The following CDK20 variants were observed in gnomAD, a reference collection of about 807,000 sequenced individuals.
The protein encoded by CDK20 is cyclin-dependent kinase 20.
Under a neutral mutation model 38.6 loss-of-function variants are expected in CDK20, and 40 were observed. The ratio of observed to expected loss-of-function variants is 1.04; its 90% CI spans 0.81 to 1.35. The LOEUF (loss-of-function observed/expected upper bound fraction) is 1.35. Among genes scored for constraint, CDK20 ranks in the 40% most tolerant of loss-of-function variants. The pLI is 0.00. For synonymous variants in CDK20, 209 were observed against 185.7 expected (o/e 1.13, Z -1.02); for missense variants, 512 against 452.6 (o/e 1.13, Z -1.19).
chr9:87,974,452 T>G lies in CDK20; in HGVS notation c.-6A>C. 1.9e-6 allele frequency: 3 copies of G among 1,610,950 alleles called. No homozygotes were observed. Among genetic ancestry groups the G allele is most frequent in the Non-Finnish European group, 2.5e-6 (3 of 1,179,306 alleles). Reference sequence around the variant, plus strand: ...AGGATGCAGTACTGGTCCATCCCGCTGCAGTCGTGGGCCTGTGCCCCTGTG... The same window carrying G: ...AGGATGCAGTACTGGTCCATCCCGCGGCAGTCGTGGGCCTGTGCCCCTGTG... On this transcript the variant is annotated 5_prime_UTR_variant, in exon 1 of 8. Transcript: ENST00000325303.
intron 7 of CDK20, chr9:87,968,810 C>T (rs981064770): frequency 2.1e-5 from 5 of 233,994 alleles, no homozygotes; most frequent in African/African-American, 4.5e-5. Context: ...AGGACAATCC[C>T]TGCATGTGCC....
intron 5 of CDK20, chr9:87,970,237 G>T: frequency 4.5e-6 from 2 of 444,398 alleles, no homozygotes; most frequent in Non-Finnish European, 7.9e-6. Context: ...GAGCTTTCAT[G>T]TCCAAGGACA....
intron 5 of CDK20, 152 bp downstream of exon 5, chr9:87,970,416 C>G (rs1829763773): frequency 7.2e-6 from 5 of 697,646 alleles, no homozygotes; most frequent in Non-Finnish European, 1.2e-5. Context: ...AACCCCAACC[C>G]CAAAGTGCTC....
intron 7 of CDK20, chr9:87,968,720 C>T (rs1361969855): frequency 6.4e-6 from 1 of 156,174 alleles, no homozygotes; most frequent in African/African-American, 2.4e-5. Flanking sequence ...CCTCTTGTGA[C>T]CTTTTGGACC....
rs764954066 is a variant in CDK20 at position 87,969,857 on chromosome 9, T to C, written c.626A>G (p.Asp209Gly). 8 of 1,611,236 alleles carry C rather than the reference T, an allele frequency of 5.0e-6. No homozygotes were observed. The highest frequency in any genetic ancestry group is 1.1e-5 in the South Asian group (1 of 90,768). ...AAGCACATAGCAAAGCTGTTCAATA[T>C]CGTTCTTGCCCGGGAAAAGGGGGGA... Reference protein sequence around the residue: ...NGSPLFPGKNDIEQLCYVLRI... With the variant: ...NGSPLFPGKNGIEQLCYVLRI... The change falls in exon 6 of 8, where the codon GAT becomes GGT. Residue 209 changes from aspartate to glycine, a missense_variant. Coordinates refer to ENST00000325303, the MANE Select transcript of CDK20 (RefSeq NM_001039803.3).
intron 7 of CDK20, chr9:87,968,106 G>C (rs552475458): frequency 6.4e-6 from 1 of 157,268 alleles, no homozygotes; most frequent in East Asian, 1.9e-4. Context: ...CCTGGGGCTG[G>C]AGAGGAGTGA....
At chr9:87,971,902 C>T (rs1324763362) in intron 2 of CDK20, among the ~76,000 whole-genome samples, 1 of 152,172 alleles carries the variant, frequency 6.6e-6, no homozygotes, top group Non-Finnish European at 1.5e-5. Context: ...TCTGTAAGTA[C>T]AGGAACCAAA....
chr9:87,967,685 A>G, intron 7 of CDK20, 26 bp from the exon 8 acceptor site: 2 of 1,455,984 alleles, frequency 1.4e-6, no homozygotes, highest in Non-Finnish European at 1.8e-6. Flanking sequence ...AAGGAACAGC[A>G]GAAGGAAACT....
chr9:87,974,180 A>G, intron 1 of CDK20, 145 bp from the exon 2 acceptor site: 1 of 1,421,828 alleles, frequency 7.0e-7, no homozygotes, highest in Non-Finnish European at 9.5e-7. Flanking sequence ...CTAGCCTGGG[A>G]CCCAGCCGCT....
chr9:87,968,266 T>C (rs1375397512), intron 7 of CDK20: 1 of 152,358 alleles, frequency 6.6e-6, no homozygotes, highest in Non-Finnish European at 1.5e-5. Context: ...TCTACTTGGA[T>C]AAAGTTACTC....
chr9:87,973,841 G>A (rs775904040), intron 2 of CDK20, 81 bp downstream of exon 2: 23 of 1,424,500 alleles, frequency 1.6e-5, no homozygotes, highest in Admixed American at 5.3e-5. Flanking sequence ...TGGTGAAGGC[G>A]TAGCTGGGAA....
chr9:87,967,836 C>A, intron 7 of CDK20, 177 bp from the exon 8 acceptor site: 1 of 563,580 alleles, frequency 1.8e-6, no homozygotes, highest in Non-Finnish European at 3.1e-6. Context: ...GTTAATAAAA[C>A]AGACAAAAGC....
At chr9:87,972,430 TG>T (rs2118296457) in intron 2 of CDK20, among the ~76,000 whole-genome samples, 1 of 152,224 alleles carries the variant, frequency 6.6e-6, no homozygotes, top group African/African-American at 2.4e-5. Flanking sequence ...GGGAAGGATG[TG>T]TCTGCCTTGT....
At position 87,974,381 on chromosome 9, in the gene CDK20, C is replaced by T. The variant is rs1587633271; in HGVS notation, c.66G>A (p.Lys22=). 2 of 1,612,704 alleles carry T rather than the reference C, an allele frequency of 1.2e-6. No homozygotes were observed. The highest frequency in any genetic ancestry group is 2.2e-5 in the East Asian group (1 of 44,844). ...CGCGGTCCAGCCTCACCTCCACGTG[C>T]TTGGCCTTGAAGACGATGCCGTGGG... is the stretch of plus-strand genomic sequence containing the variant. ...EGAHGIVFKA[K]HVETGEIVAL... Residue 22 remains lysine, a synonymous_variant, in exon 1 of 8, where the codon AAG becomes AAA. Coordinates refer to ENST00000325303, the MANE Select transcript of CDK20 (RefSeq NM_001039803.3).
At position 87,966,657 on chromosome 9, in the gene CDK20, C is replaced by T. The variant is rs28364971; in HGVS notation, c.*805G>A. 2.3e-3 allele frequency: 381 copies of T among 166,086 alleles called. No individual in the cohort carries two copies. The highest frequency in any genetic ancestry group is 3.5e-3 in the Non-Finnish European group (261 of 75,278). 10.3% of individuals were successfully genotyped at this position (166,086 alleles called of 1,614,324 possible). On this transcript the variant is annotated 3_prime_UTR_variant, in exon 8 of 8. Transcript: ENST00000325303. ...TAAATTTATAAATTAATTCCAGGAA[C>T]GCTTGTTTCCTTAAATACACAGCTG...
chr9:87,967,385 G>A lies in CDK20; in HGVS notation c.*77C>T. The A allele has an allele frequency of 1.4e-6, 2 of 1,454,018 alleles. No individual in the cohort carries two copies. Among genetic ancestry groups the A allele is most frequent in the South Asian group, 1.2e-5 (1 of 81,694 alleles). 90.1% of individuals were successfully genotyped at this position (1,454,018 alleles called of 1,614,324 possible). A position where few individuals can be genotyped will look rare whatever the true frequency, so the allele number is the denominator to read the frequency against. On this transcript the variant is annotated 3_prime_UTR_variant, in exon 8 of 8. Transcript: ENST00000325303. Reference sequence around the variant, plus strand: ...TGGCCATGGGGAGGCCTTGGAGGGTGAAGCCAGGCAGGTGGCAGAGGAACA... The same window carrying A: ...TGGCCATGGGGAGGCCTTGGAGGGTAAAGCCAGGCAGGTGGCAGAGGAACA...
At position 87,974,533 on chromosome 9, in the gene CDK20, C is replaced by A. The variant is rs1213977819; in HGVS notation, c.-87G>T. Reference sequence around the variant, plus strand: ...CACCCCACGCTGATCTGAGCTCGCACGCTGTTGCCTAGCAACAGCGCGGCA... The same window carrying A: ...CACCCCACGCTGATCTGAGCTCGCAAGCTGTTGCCTAGCAACAGCGCGGCA... On this transcript the variant is annotated 5_prime_UTR_variant, in exon 1 of 8. Coordinates refer to ENST00000325303, the MANE Select transcript of CDK20 (RefSeq NM_001039803.3). The A allele has an allele frequency of 8.0e-7, 1 of 1,248,390 alleles. No individual in the cohort carries two copies. Among genetic ancestry groups the A allele is most frequent in the Admixed American group, 2.5e-5 (1 of 39,822 alleles). The allele number at this position is 1,248,390 out of a possible 1,614,324, so 77.3% of individuals were successfully genotyped here. A position where few individuals can be genotyped will look rare whatever the true frequency, so the allele number is the denominator to read the frequency against.
rs118000294 is a variant in CDK20 at position 87,967,903 on chromosome 9, C to T, written c.844-244G>A. On this transcript the variant is annotated intron_variant, in intron 7 of 7. Transcript: ENST00000325303. ...GTAATAAACAAGATGAAGTAAAATA[C>T]ACAGTATGTCAGATAATGATTAGTG... 870 of 456,866 alleles carry T rather than the reference C, an allele frequency of 1.9e-3. 17 individuals are homozygous for T. In the East Asian group the frequency reaches 0.03, roughly 16 times the overall value. 28.3% of individuals were successfully genotyped at this position (456,866 alleles called of 1,614,324 possible).
chr9:87,972,030 C>T lies in CDK20; in HGVS notation c.190-695G>A, dbSNP rs574196149. 9.2e-5 allele frequency among the ~76,000 whole-genome samples: 14 copies of T among 152,176 alleles called. No homozygotes were observed. In the South Asian group the frequency reaches 2.9e-3, roughly 32 times the overall value. On this transcript the variant is annotated intron_variant, in intron 2 of 7. Transcript: ENST00000325303. ...ACCAGCCTGGGCAACATGGTGAAAC[C>T]TTGTCTCTACAAAAAATACAAAAAA...
Sources: allele counts gnomAD v4.1 joint callset (sites outside exome capture counted in the v4.1 genomes callset), GRCh38; gene constraint gnomAD v4.1.1; transcripts MANE v1.5; gene names NCBI Gene and HGNC (gene_info 2026-07-23, HGNC 2026-07-21).